Variants in PACC1 observed in about 807,000 individuals in gnomAD.
PACC1 encodes the protein proton activated chloride channel 1, also known as proton-activated chloride channel.
In PACC1, 34 loss-of-function variants were observed where a neutral mutation model predicts 39.7. The observed-to-expected ratio is 0.86, with a 90% CI of 0.65 to 1.14. The LOEUF is 1.14. Among genes scored for constraint, PACC1 ranks in the 50% most tolerant of loss-of-function variants. The pLI is 0.00. For synonymous variants in PACC1, 127 were observed against 160.6 expected (o/e 0.79, Z 1.58); for missense variants, 379 against 436.4 (o/e 0.87, Z 1.17).
chr1:212,383,157 A>G (rs1660967234), intron 4 of PACC1, among the ~76,000 whole-genome samples: 3 of 152,230 alleles, frequency 2.0e-5, no homozygotes, highest in Admixed American at 6.5e-5. Flanking sequence ...AGATGAACCA[A>G]CACTCAGACT....
chr1:212,403,867 T>A (rs1227530516), intron 2 of PACC1, among the ~76,000 whole-genome samples: 2 of 151,806 alleles, frequency 1.3e-5, no homozygotes, highest in Non-Finnish European at 2.9e-5. Flanking sequence ...CTGGCCATCT[T>A]CTTTTCTAAG....
chr1:212,390,253 T>TC (rs1361165534), intron 2 of PACC1, among the ~76,000 whole-genome samples: 2 of 151,292 alleles, frequency 1.3e-5, no homozygotes, highest in Non-Finnish European at 2.9e-5. Flanking sequence ...TGAAACCCCG[T>TC]CTCTACTAAA....
chr1:212,413,976 G>A (rs939252706), intron 1 of PACC1: 7 of 1,535,752 alleles, frequency 4.6e-6, no homozygotes, highest in Non-Finnish European at 4.4e-6. Context: ...GATGACCAAG[G>A]TTTGGGGGCC....
intron 2 of PACC1, among the ~76,000 whole-genome samples, chr1:212,406,169 C>A (rs1227032828): frequency 6.8e-6 from 1 of 147,224 alleles, no homozygotes; most frequent in Non-Finnish European, 1.5e-5. Flanking sequence ...ATGAAAGCAC[C>A]CCCAAAATGG....
intron 2 of PACC1, among the ~76,000 whole-genome samples, chr1:212,397,038 G>A (rs1661554150): frequency 1.3e-5 from 2 of 152,030 alleles, no homozygotes; most frequent in South Asian, 4.1e-4. Flanking sequence ...ATGGCTGAGA[G>A]AATTCATCAC....
At chr1:212,366,160 CT>C (rs914180756) in intron 7 of PACC1, among the ~76,000 whole-genome samples, 3 of 152,146 alleles carry the variant, frequency 2.0e-5, no homozygotes, top group Non-Finnish European at 2.9e-5. Flanking sequence ...TATGAATGCC[CT>C]TCACAGTTCC....
chr1:212,380,657 T>G (rs974663640), intron 4 of PACC1, among the ~76,000 whole-genome samples: 1 of 152,178 alleles, frequency 6.6e-6, no homozygotes, highest in Non-Finnish European at 1.5e-5. Context: ...CTTTATCCTA[T>G]ACTAAATTCC....
chr1:212,369,712 T>C (rs1571626642), intron 7 of PACC1, among the ~76,000 whole-genome samples: 1 of 135,688 alleles, frequency 7.4e-6, no homozygotes, highest in Non-Finnish European at 1.6e-5. Flanking sequence ...ACCCGGGAGG[T>C]GGAGGTTGCA....
chr1:212,380,069 C>T (rs1660822393), intron 4 of PACC1, 32 bp from the exon 5 acceptor site: 6 of 1,610,306 alleles, frequency 3.7e-6, no homozygotes, highest in Non-Finnish European at 5.1e-6. Context: ...AGTCTCAGTC[C>T]TGGGAGAGTA....
At chr1:212,380,077 G>A in intron 4 of PACC1, 40 bp from the exon 5 acceptor site, 1 of 1,602,644 alleles carries the variant, frequency 6.2e-7, no homozygotes, top group Non-Finnish European at 8.5e-7. Flanking sequence ...TCCTGGGAGA[G>A]TACACAGAGG....
chr1:212,410,455 C>G lies in PACC1; in HGVS notation c.103G>C (p.Val35Leu). ...AAGATACCCGGACCTTGGACTCTGA[C>G]CGTCTCCTTGTCCTGCTCGTCTGCC... ...ELADEQDKET[V>L]RVQGPGILPG... Residue 35 changes from valine to leucine, a missense_variant, in exon 2 of 8, where the codon GTC becomes CTC. Val to Leu is a conservative substitution (Grantham distance 32). Coordinates refer to ENST00000261455, the MANE Select transcript of PACC1 (RefSeq NM_018252.3). 1 of 1,614,190 alleles carries G rather than the reference C, an allele frequency of 6.2e-7. No homozygotes were observed. Among genetic ancestry groups the G allele is most frequent in the Non-Finnish European group, 8.5e-7 (1 of 1,180,018 alleles).
At chr1:212,406,405 A>C (rs1661919217) in intron 2 of PACC1, among the ~76,000 whole-genome samples, 1 of 152,092 alleles carries the variant, frequency 6.6e-6, no homozygotes. Flanking sequence ...TAATCCAGCT[A>C]CTCAAGAGGC....
chr1:212,394,018 G>A (rs1381617121), intron 2 of PACC1, among the ~76,000 whole-genome samples: 5 of 151,942 alleles, frequency 3.3e-5, no homozygotes, highest in South Asian at 2.1e-4. Context: ...ACAAGGAGGA[G>A]CTGGTACCAT....
chr1:212,377,926 A>T (rs543374781), intron 5 of PACC1, among the ~76,000 whole-genome samples: 1 of 152,184 alleles, frequency 6.6e-6, no homozygotes, highest in African/African-American at 2.4e-5. Context: ...ATGGAGGGGT[A>T]GTCACTGGCC....
intron 2 of PACC1, among the ~76,000 whole-genome samples, chr1:212,399,866 CG>C (rs1661653571): frequency 6.6e-6 from 1 of 151,070 alleles, no homozygotes; most frequent in Admixed American, 6.6e-5. Context: ...TTTTTTGAGA[CG>C]GAGTTTCACT....
intron 1 of PACC1, chr1:212,414,083 GCAGCGCAGGA>G: frequency 1.3e-6 from 2 of 1,532,796 alleles, no homozygotes; most frequent in Non-Finnish European, 1.7e-6. Context: ...CGCACAGCCT[GCAGCGCAGGA>G]CAGAGAAGAG....
chr1:212,371,748 C>A (rs988694689), intron 7 of PACC1, among the ~76,000 whole-genome samples: 1 of 152,148 alleles, frequency 6.6e-6, no homozygotes, highest in African/African-American at 2.4e-5. Flanking sequence ...AGGCCGATAT[C>A]TCTGATGAAC....
In PACC1 at chr1:212,365,186, G is replaced by A. The variant is rs896161480; in HGVS notation, c.*29C>T. 3 of 1,606,732 alleles carry A rather than the reference G, an allele frequency of 1.9e-6. No individual in the cohort carries two copies. Among genetic ancestry groups the A allele is most frequent in the Non-Finnish European group, 2.6e-6 (3 of 1,176,056 alleles). On this transcript the variant is annotated 3_prime_UTR_variant, in exon 8 of 8. Coordinates refer to ENST00000261455, the MANE Select transcript of PACC1 (RefSeq NM_018252.3). Reference sequence around the variant, plus strand: ...AGTGATGACAGCTCCCATTGATGTGGACAGTTCTCTAAACAACGCGAGGTG... The same window carrying A: ...AGTGATGACAGCTCCCATTGATGTGAACAGTTCTCTAAACAACGCGAGGTG...
At position 212,414,821 on chromosome 1, in the gene PACC1, T is replaced by G. The variant is rs377739582; in HGVS notation, c.-64A>C. The G allele has an allele frequency of 6.4e-4, 1,020 of 1,596,150 alleles. 4 individuals carry two copies. The African/African-American group carries it at 6.8e-3, about 11-fold the overall frequency. ...AGCCCGCGGCGCACGGACGCAGCAC[T>G]GCGGCCGCTGCACCTGGACCTACCG... On this transcript the variant is annotated 5_prime_UTR_variant, in exon 1 of 8. Transcript: ENST00000261455.
Sources: gnomAD v4.1 joint callset for allele counts (sites outside exome capture counted in the v4.1 genomes callset) on GRCh38, gnomAD v4.1.1 for gene constraint, MANE v1.5 for transcripts, NCBI Gene and HGNC (gene_info 2026-07-23, HGNC 2026-07-21) for gene names.